P3H2: variants seen among roughly 807,000 people sequenced by gnomAD.
P3H2 encodes the protein prolyl 3-hydroxylase 2, also known as leprecan-like 1.
A neutral mutation model predicts 87.0 loss-of-function variants in P3H2; 80 were observed. The ratio of observed to expected loss-of-function variants is 0.92; its 90% CI spans 0.77 to 1.11. The LOEUF (loss-of-function observed/expected upper bound fraction) is 1.11. P3H2 is among the 50% of genes least tolerant of loss of function. The pLI, the probability that P3H2 is intolerant of heterozygous loss-of-function variation, is 0.00. For missense variants in P3H2, 1,001 were observed against 923.9 expected (o/e 1.08, Z -1.08); for synonymous variants, 367 against 359.3 (o/e 1.02, Z -0.24).
chr3:190,066,931 GCTTT>G (rs1407381838), intron 1 of P3H2, among the ~76,000 whole-genome samples: 2 of 151,874 alleles, frequency 1.3e-5, no homozygotes, highest in African/African-American at 4.8e-5. Flanking sequence ...CCTGGGTAAA[GCTTT>G]CTTTGACAGT....
chr3:189,974,585 C>T lies in P3H2; in HGVS notation c.1425G>A (p.Gln475=), dbSNP rs754583836. ...TGGCCACGCTGTGGAGCTCCCGGCA[C>T]TGTTCTTCCGACAGGACGTTATCCA... ...VLLDNVLSEE[Q]CRELHSVASG... Residue 475 remains glutamine, a synonymous_variant, in exon 9 of 15, where the codon CAG becomes CAA. Transcript: ENST00000319332. The T allele has an allele frequency of 4.7e-5, 76 of 1,613,990 alleles. No individual in the cohort carries two copies. Among genetic ancestry groups the T allele is most frequent in the Non-Finnish European group, 6.4e-5 (75 of 1,180,046 alleles).
intron 1 of P3H2, among the ~76,000 whole-genome samples, chr3:190,100,153 G>A (rs540889109): frequency 6.6e-6 from 1 of 151,756 alleles, no homozygotes; most frequent in South Asian, 2.1e-4. Context: ...AGAATTGCTC[G>A]AACTGGGGAG....
intron 1 of P3H2, among the ~76,000 whole-genome samples, chr3:189,997,127 T>C (rs1476098294): frequency 2.0e-5 from 3 of 152,192 alleles, no homozygotes; most frequent in Non-Finnish European, 4.4e-5. Flanking sequence ...GTTCAAGCGA[T>C]TCTCCTGCCT....
chr3:189,957,415 A>G lies in P3H2; in HGVS notation c.*497T>C, dbSNP rs1422653313. On this transcript the variant is annotated 3_prime_UTR_variant, in exon 15 of 15. Coordinates refer to ENST00000319332, the MANE Select transcript of P3H2 (RefSeq NM_018192.4). ...CACCACCAAGAAGCTTATTCTCTCT[A>G]AGCTTTTGAATTTGCAGCAACTTAA... The G allele has an allele frequency of 2.6e-6, 1 of 381,848 alleles. No individual in the cohort carries two copies. The highest frequency in any genetic ancestry group is 4.6e-6 in the Non-Finnish European group (1 of 217,000). The allele number at this position is 381,848 out of a possible 1,614,324, so 23.7% of individuals were successfully genotyped here. A position where few individuals can be genotyped will look rare whatever the true frequency, so the allele number is the denominator to read the frequency against.
intron 13 of P3H2, among the ~76,000 whole-genome samples, chr3:189,966,124 A>AGG (rs745524008): frequency 4.5e-5 from 1 of 22,000 alleles, no homozygotes; most frequent in African/African-American, 2.0e-4. Context: ...AAAGAAAGAA[A>AGG]AAGAAAGAAA....
intron 2 of P3H2, 145 bp from the exon 3 acceptor site, chr3:189,994,428 G>A (rs1363151379): frequency 1.8e-5 from 12 of 672,870 alleles, no homozygotes; most frequent in Non-Finnish European, 2.6e-5. Context: ...GAGGGATAAA[G>A]AAGGGTTGCA....
chr3:190,043,125 AT>A (rs5855297), intron 1 of P3H2, among the ~76,000 whole-genome samples: 87,039 of 151,320 alleles, frequency 0.58, 27,269 homozygotes, highest in Admixed American at 0.71. Context: ...TTATATTATA[AT>A]TATCACAAAA....
chr3:190,079,338 C>CA (rs900014940), intron 1 of P3H2, among the ~76,000 whole-genome samples: 1 of 128,176 alleles, frequency 7.8e-6, no homozygotes, highest in Non-Finnish European at 1.7e-5. Context: ...GACTCTGTCT[C>CA]AAAAAATAAA....
chr3:189,994,360 G>C (rs1452826049), intron 2 of P3H2, 77 bp from the exon 3 acceptor site: 8 of 1,280,904 alleles, frequency 6.2e-6, no homozygotes, highest in Admixed American at 1.8e-5. Flanking sequence ...TCAAAGAGAA[G>C]GGTTTTTGTT....
intron 1 of P3H2, among the ~76,000 whole-genome samples, chr3:190,046,665 A>G (rs1459010450): frequency 6.6e-6 from 1 of 152,180 alleles, no homozygotes; most frequent in East Asian, 1.9e-4. Context: ...TCAGATATAA[A>G]CTCAAAATTG....
chr3:190,114,537 T>C (rs145301943), intron 1 of P3H2, among the ~76,000 whole-genome samples: 12 of 152,232 alleles, frequency 7.9e-5, no homozygotes, highest in African/African-American at 2.4e-4. Context: ...ATACGGGCAA[T>C]AGATGACTGG....
chr3:190,106,197 T>C (rs566255398), intron 1 of P3H2, among the ~76,000 whole-genome samples: 187 of 152,154 alleles, frequency 1.2e-3, no homozygotes, highest in African/African-American at 4.0e-3. Context: ...CTCAAGGAAA[T>C]TGTGAAATCA....
chr3:189,973,377 G>A (rs1375838398), intron 10 of P3H2, among the ~76,000 whole-genome samples: 1 of 152,054 alleles, frequency 6.6e-6, no homozygotes, highest in East Asian at 1.9e-4. Flanking sequence ...TTTTTGTCAG[G>A]AAATGTAAAG....
chr3:190,027,990 C>A (rs1027471951), intron 1 of P3H2, among the ~76,000 whole-genome samples: 2 of 151,590 alleles, frequency 1.3e-5, no homozygotes, highest in African/African-American at 4.8e-5. Context: ...AATAAAGAAC[C>A]AGGCTTCCAC....
At chr3:189,989,118 G>A in intron 3 of P3H2, 80 bp from the exon 4 acceptor site, 1 of 1,548,724 alleles carries the variant, frequency 6.5e-7, no homozygotes, top group Non-Finnish European at 8.9e-7. Context: ...CAGTTACACA[G>A]GTCATTCCTC....
At chr3:190,041,297 A>G (rs1358412788) in intron 1 of P3H2, among the ~76,000 whole-genome samples, 82 of 120,682 alleles carry the variant, frequency 6.8e-4, no homozygotes, top group Non-Finnish European at 1.2e-3. Flanking sequence ...AAAAAAAAAA[A>G]GCACTAAAAT....
At chr3:190,068,062 G>A (rs1426573141) in intron 1 of P3H2, among the ~76,000 whole-genome samples, 2 of 151,914 alleles carry the variant, frequency 1.3e-5, no homozygotes, top group East Asian at 3.8e-4. Context: ...TGCTTAAAAT[G>A]TTTATATAAT....
At chr3:190,012,732 C>T (rs913413785) in intron 1 of P3H2, among the ~76,000 whole-genome samples, 4 of 152,300 alleles carry the variant, frequency 2.6e-5, no homozygotes, top group South Asian at 4.1e-4. Context: ...GACTTCCCCT[C>T]GTGGTGCCTC....
At chr3:190,013,523 G>A (rs1239452968) in intron 1 of P3H2, among the ~76,000 whole-genome samples, 1 of 152,226 alleles carries the variant, frequency 6.6e-6, no homozygotes, top group East Asian at 1.9e-4. Context: ...TACATCTGTG[G>A]AAGGACAAGT....
Sources: gnomAD v4.1 joint callset for allele counts (sites outside exome capture counted in the v4.1 genomes callset) on GRCh38, gnomAD v4.1.1 for gene constraint, MANE v1.5 for transcripts, NCBI Gene and HGNC (gene_info 2026-07-23, HGNC 2026-07-21) for gene names.